CDHR4: variants seen among roughly 807,000 people sequenced by gnomAD.
CDHR4 encodes cadherin related family member 4, also known as cadherin-related family member 4.
Under a neutral mutation model 88.4 loss-of-function variants are expected in CDHR4, and 89 were observed. The observed-to-expected ratio is 1.01, with a 90% CI of 0.85 to 1.20. The LOEUF (loss-of-function observed/expected upper bound fraction) is 1.20. Ranked by LOEUF, CDHR4 falls within the 50% of genes most tolerant of loss-of-function variation. CDHR4 has a pLI of 0.00. For missense variants in CDHR4, 914 were observed against 1,007.2 expected (o/e 0.91, Z 1.25); for synonymous variants, 368 against 399.2 (o/e 0.92, Z 0.93).
intron 14 of CDHR4, 37 bp downstream of exon 14, chr3:49,792,817 C>T (rs2081201101): frequency 6.7e-7 from 1 of 1,502,474 alleles, no homozygotes; most frequent in East Asian, 2.5e-5. Context: ...AAGGTCCACC[C>T]TTCCCACCCT....
chr3:49,794,811 T>C, intron 9 of CDHR4, 110 bp from the exon 10 acceptor site: 1 of 1,434,376 alleles, frequency 7.0e-7, no homozygotes, highest in Non-Finnish European at 9.5e-7. Context: ...TGGATCCTGT[T>C]TTCCAGACTG....
At chr3:49,794,854 C>G in intron 9 of CDHR4, 93 bp downstream of exon 9, 1 of 1,499,492 alleles carries the variant, frequency 6.7e-7, no homozygotes, top group South Asian at 1.3e-5. Flanking sequence ...CATCCCTCCA[C>G]CCCCACTCCC....
Position 49,792,979 on chromosome 3 carries a change from C to T in CDHR4, c.1870G>A (p.Glu624Lys). Reference sequence around the variant, plus strand: ...GCATCGGCCACACAGATCAGTAGCTCATAGGTACGGGGCTGCTCTGGCCAG... The same window carrying T: ...GCATCGGCCACACAGATCAGTAGCTTATAGGTACGGGGCTGCTCTGGCCAG... Reference protein sequence around the residue: ...PFWPEQPRTYELLICVADAGP... With the variant: ...PFWPEQPRTYKLLICVADAGP... The change falls in exon 14 of 19, where the codon GAG becomes AAG. Residue 624 changes from glutamate (E) to lysine (K), a missense_variant. Coordinates refer to ENST00000412678, the MANE Select transcript of CDHR4 (RefSeq NM_001007540.4). 3.2e-6 allele frequency: 5 copies of T among 1,551,686 alleles called. No homozygotes were observed. In the South Asian group the frequency reaches 4.8e-5, roughly 15 times the overall value.
Position 49,791,807 on chromosome 3 carries a change from G to A in CDHR4, c.2196-6C>T. ...ATCCCTCAGTTCCCTGGATGCTGGGGCAAAGTACGAGCAAGAGTACAGGGC... is the reference window on the plus strand; with the variant it reads ...ATCCCTCAGTTCCCTGGATGCTGGGACAAAGTACGAGCAAGAGTACAGGGC... On this transcript the variant is annotated splice_polypyrimidine_tract_variant and splice_region_variant and intron_variant, in intron 16 of 18. Transcript: ENST00000412678. 6.4e-7 allele frequency: 1 copy of A among 1,551,696 alleles called. No individual in the cohort carries two copies. The highest frequency in any genetic ancestry group is 8.7e-7 in the Non-Finnish European group (1 of 1,146,970).
chr3:49,795,897 G>A lies in CDHR4; in HGVS notation c.710+46C>T, dbSNP rs1298564835. On this transcript the variant is annotated intron_variant, in intron 6 of 18. Transcript: ENST00000412678. The surrounding 1 kb of genome is among the most constrained non-coding windows in gnomAD (Gnocchi z 5.4). ...AGCCTCACCCTACCTGATTCCCTGG[G>A]GCTAGGCCCTTCCTCCCTCACTGTT... 1 of 1,516,706 alleles carries A rather than the reference G, an allele frequency of 6.6e-7. No homozygotes were observed. The highest frequency in any genetic ancestry group is 2.5e-5 in the East Asian group (1 of 40,770). The allele number at this position is 1,516,706 out of a possible 1,614,324, so 94.0% of individuals were successfully genotyped here.
At chr3:49,802,181 CT>C (rs35680489), upstream of CDHR4, among the ~76,000 whole-genome samples, 10 of 148,994 alleles carry the variant, frequency 6.7e-5, no homozygotes, top group Non-Finnish European at 1.3e-4. Flanking sequence ...TTCTTCCTTT[CT>C]TTTTTTTTTG....
At chr3:49,794,033 C>T (rs1318400213) in intron 10 of CDHR4, 27 bp from the exon 11 acceptor site, 1 of 1,548,478 alleles carries the variant, frequency 6.5e-7, no homozygotes, top group Non-Finnish European at 8.7e-7. Flanking sequence ...AGTCAAGGAG[C>T]TGGCCTGGGG....
In CDHR4 at chr3:49,795,096, G is replaced by A. The variant is rs1295424361; in HGVS notation, c.1036C>T (p.Gln346Ter). ...PRCLPALLVSQIPETAPVGTV... is the reference protein window; with the variant it reads ...PRCLPALLVS ...CCCACGGGTGCAGTCTCCGGGATTT[G>A]GGACCTGAGAGTATGCAGTGGCAGC... Residue 346 changes from glutamine to a stop codon, truncating the protein, a stop_gained, in exon 9 of 19, where the codon CAA becomes TAA. Transcript: ENST00000412678. LOFTEE classifies it high-confidence loss of function. The surrounding 1 kb of genome is among the most constrained non-coding windows in gnomAD (Gnocchi z 5.4). 1 of 1,551,660 alleles carries A rather than the reference G, an allele frequency of 6.4e-7. No individual in the cohort carries two copies. The highest frequency in any genetic ancestry group is 8.7e-7 in the Non-Finnish European group (1 of 1,146,994).
At chr3:49,791,525 AGAT>A in intron 17 of CDHR4, 57 bp from the exon 18 acceptor site, 1 of 1,535,840 alleles carries the variant, frequency 6.5e-7, no homozygotes, top group Non-Finnish European at 8.8e-7. Context: ...ACAGGGGAGC[AGAT>A]GAAGGCCTGC....
At chr3:49,792,233 A>T (rs532110720) in intron 15 of CDHR4, among the ~76,000 whole-genome samples, 73 of 152,286 alleles carry the variant, frequency 4.8e-4, no homozygotes, top group African/African-American at 1.7e-3. Flanking sequence ...CCCTGAGCTT[A>T]TCTACCCTCC....
At chr3:49,796,120 T>C in intron 5 of CDHR4, 74 bp from the exon 6 acceptor site, 1 of 1,050,146 alleles carries the variant, frequency 9.5e-7, no homozygotes, top group Non-Finnish European at 1.3e-6. Context: ...AGTCCTCCCC[T>C]TAAATAGGCA....
chr3:49,794,606 A>C lies in CDHR4; in HGVS notation c.1279+2T>G. ...GTGTCCAGGCCGGGTGTGGTCACTC[A>C]CTGGTCATCTGGGGCTGGCCACCAT... On this transcript the variant is annotated splice_donor_variant, in intron 10 of 18. Coordinates refer to ENST00000412678, the MANE Select transcript of CDHR4 (RefSeq NM_001007540.4). LOFTEE classifies it high-confidence loss of function. The C allele has an allele frequency of 6.5e-7, 1 of 1,549,626 alleles. No homozygotes were observed. Among genetic ancestry groups the C allele is most frequent in the Non-Finnish European group, 8.7e-7 (1 of 1,146,170 alleles).
chr3:49,796,000 C>T lies in CDHR4; in HGVS notation c.653G>A (p.Cys218Tyr). 6.5e-7 allele frequency: 1 copy of T among 1,544,680 alleles called. No individual in the cohort carries two copies. The highest frequency in any genetic ancestry group is 1.2e-5 in the South Asian group (1 of 82,790). Residue 218 changes from cysteine (C) to tyrosine (Y), a missense_variant, in exon 6 of 19, where the codon TGC (cysteine) becomes TAC (tyrosine). Physicochemically the swap from Cys to Tyr is radical, Grantham distance 194. Coordinates refer to ENST00000412678, the MANE Select transcript of CDHR4 (RefSeq NM_001007540.4). The surrounding 1 kb of genome is among the most constrained non-coding windows in gnomAD (Gnocchi z 5.4). ...AACCTTCACTATCACCATCCCTTGG[C>T]AGCTTTGCCTTTGTCCAAAGGACAC... is the stretch of plus-strand genomic sequence containing the variant. ...ISVSFGQRQS[C>Y]QGMVIVKVLP...
In CDHR4 at chr3:49,794,652, G is replaced by A; in HGVS notation, c.1235C>T (p.Ala412Val). Residue 412 changes from alanine to valine, a missense_variant, in exon 10 of 19, where the codon GCA (alanine) becomes GTA (valine). Ala to Val is a moderately conservative substitution (Grantham distance 64). Coordinates refer to ENST00000412678, the MANE Select transcript of CDHR4 (RefSeq NM_001007540.4). ...CDTPGACFQH[A>V]ASILVLDGGQ... The stretch of plus-strand genomic sequence containing the variant: ...ACCATCGAGCACCAGGATGGAGGCT[G>A]CATGCTGGAAGCAGGCTCCAGGAGT... The A allele has an allele frequency of 6.4e-7, 1 of 1,551,338 alleles. No individual in the cohort carries two copies. The highest frequency in any genetic ancestry group is 8.7e-7 in the Non-Finnish European group (1 of 1,146,884).
chr3:49,793,138 CT>C, intron 13 of CDHR4, 22 bp downstream of exon 13: 2 of 1,551,116 alleles, frequency 1.3e-6, no homozygotes, highest in South Asian at 1.2e-5. Flanking sequence ...CACTCACAAC[CT>C]GGTGGTGCCC....
At chr3:49,794,867 G>T in intron 9 of CDHR4, 80 bp downstream of exon 9, 1 of 1,520,966 alleles carries the variant, frequency 6.6e-7, no homozygotes, top group Non-Finnish European at 8.9e-7. Flanking sequence ...CCACTCCCGT[G>T]GTCTCAGAGA....
chr3:49,790,994 A>C (rs2081170269), intron 18 of CDHR4, 107 bp from the exon 19 acceptor site: 9 of 847,846 alleles, frequency 1.1e-5, no homozygotes, highest in Non-Finnish European at 1.5e-5. Flanking sequence ...CAGGACCCTC[A>C]GTGTGACATC....
upstream of CDHR4, among the ~76,000 whole-genome samples, chr3:49,802,365 C>T (rs1044873365): frequency 2.6e-5 from 4 of 152,034 alleles, no homozygotes; most frequent in Non-Finnish European, 4.4e-5. Context: ...TTAGTAGAGA[C>T]GGGGTTTCAC....
chr3:49,795,113 A>C lies in CDHR4; in HGVS notation c.1032-13T>G, dbSNP rs1228815307. ...CGGGATTTGGGACCTGAGAGTATGC[A>C]GTGGCAGCAAGGCAGGAGTCTGGCA... is the stretch of plus-strand genomic sequence containing the variant. On this transcript the variant is annotated splice_polypyrimidine_tract_variant and intron_variant, in intron 8 of 18. Transcript: ENST00000412678. This position sits in a 1 kb window ranked among gnomAD's most constrained non-coding sequence, Gnocchi z 5.4. 1 of 1,551,686 alleles carries C rather than the reference A, an allele frequency of 6.4e-7. No individual in the cohort carries two copies. The highest frequency in any genetic ancestry group is 8.7e-7 in the Non-Finnish European group (1 of 1,146,978).
Sources: gnomAD v4.1 joint callset for allele counts (sites outside exome capture counted in the v4.1 genomes callset) on GRCh38, gnomAD v4.1.1 for gene constraint, Gnocchi (gnomAD v3.1) non-coding constraint, MANE v1.5 for transcripts, NCBI Gene and HGNC (gene_info 2026-07-23, HGNC 2026-07-21) for gene names.